Variants in SLC36A1 observed in about 807,000 individuals in gnomAD.
SLC36A1 encodes the protein proton-coupled amino acid transporter 1.
Under a neutral mutation model 47.5 loss-of-function variants are expected in SLC36A1, and 30 were observed. The ratio of observed to expected loss-of-function variants is 0.63; its 90% confidence interval spans 0.47 to 0.86. The LOEUF is 0.86. Ranked by LOEUF, SLC36A1 falls within the 40% of genes least tolerant of loss-of-function variation. The pLI, the probability that SLC36A1 is intolerant of heterozygous loss-of-function variation, is 0.00. For synonymous variants in SLC36A1, 255 were observed against 249.7 expected (o/e 1.02, Z -0.20); for missense variants, 517 against 606.0 (o/e 0.85, Z 1.54).
At chr5:151,399,373 C>T in the SLC36A1 span, among the ~76,000 whole-genome samples, 1 of 151,960 alleles carries the variant, frequency 6.6e-6, no homozygotes, top group Admixed American at 6.6e-5. Context: ...AGGCGTGAGC[C>T]ACCGTAATGT....
chr5:151,411,757 G>C, the SLC36A1 span, among the ~76,000 whole-genome samples: 2 of 143,872 alleles, frequency 1.4e-5, no homozygotes, highest in Non-Finnish European at 3.1e-5. Context: ...GTTGAACAAG[G>C]GTCCTTAGTA....
At chr5:151,540,549 C>A in the SLC36A1 span, 1 of 1,599,420 alleles carries the variant, frequency 6.3e-7, no homozygotes, top group South Asian at 1.1e-5. Flanking sequence ...CCCACTCCAC[C>A]CCTCGCCAGG....
At position 151,488,464 on chromosome 5, in the gene SLC36A1, A is replaced by G; in HGVS notation, c.*210A>G. 1 of 624,062 alleles carries G rather than the reference A, an allele frequency of 1.6e-6. No homozygotes were observed. The highest frequency in any genetic ancestry group is 2.0e-5 in the South Asian group (1 of 49,588). The allele number at this position is 624,062 out of a possible 1,614,324, so 38.7% of individuals were successfully genotyped here. On this transcript the variant is annotated 3_prime_UTR_variant, in exon 11 of 11. Transcript: ENST00000243389. The stretch of plus-strand genomic sequence containing the variant: ...GACACGCAGAAGTGCTACTAGTGAC[A>G]GGGCTGCCATCGCTCACCTGTACCT...
chr5:151,541,998 T>C, the SLC36A1 span, among the ~76,000 whole-genome samples: 1 of 152,232 alleles, frequency 6.6e-6, no homozygotes. Context: ...TGACAGCAGT[T>C]AGAGTATGAC....
At chr5:151,477,862 C>T (rs572684202) in intron 9 of SLC36A1, among the ~76,000 whole-genome samples, 4 of 152,126 alleles carry the variant, frequency 2.6e-5, no homozygotes, top group South Asian at 2.1e-4. Flanking sequence ...CCACATGATC[C>T]GAAGCCATAG....
the SLC36A1 span, chr5:151,542,998 A>G: frequency 1.2e-6 from 2 of 1,614,142 alleles, no homozygotes; most frequent in Non-Finnish European, 1.7e-6. Flanking sequence ...AACAATCCCA[A>G]TTTCAGACCC....
At chr5:151,452,655 G>T (rs886302623) in intron 1 of SLC36A1, among the ~76,000 whole-genome samples, 1 of 152,116 alleles carries the variant, frequency 6.6e-6, no homozygotes, top group Admixed American at 6.6e-5. Context: ...GATCCCTTGA[G>T]GTCAAGAGTT....
the SLC36A1 span, chr5:151,544,808 A>T: frequency 6.2e-7 from 1 of 1,614,092 alleles, no homozygotes; most frequent in African/African-American, 1.3e-5. Context: ...GCAAATTCAT[A>T]TGTAACAGCC....
At chr5:151,476,034 T>G (rs1453788817) in intron 8 of SLC36A1, among the ~76,000 whole-genome samples, 1 of 152,258 alleles carries the variant, frequency 6.6e-6, no homozygotes, top group African/African-American at 2.4e-5. Context: ...AAACTGGGCA[T>G]TGTTAAGCAC....
chr5:151,516,231 C>T, the SLC36A1 span, among the ~76,000 whole-genome samples: 1 of 152,178 alleles, frequency 6.6e-6, no homozygotes, highest in Non-Finnish European at 1.5e-5. Flanking sequence ...GTAACTCCGG[C>T]TGGGCATGTG....
At chr5:151,517,906 G>T in the SLC36A1 span, 1 of 1,037,064 alleles carries the variant, frequency 9.6e-7, no homozygotes, top group Non-Finnish European at 1.4e-6. Context: ...GGCTGGGTGT[G>T]GGGTGTGCCA....
Position 151,467,212 on chromosome 5 carries a change from T to C in SLC36A1, c.433T>C (p.Phe145Leu). ...HAHWGRRVVD[F>L]FLIVTQLGFC... Reference sequence around the variant, plus strand: ...CCCCACCTCCAGACGTGTTGTGGACTTCTTCCTGATTGTCACCCAGCTGGG... The same window carrying C: ...CCCCACCTCCAGACGTGTTGTGGACCTCTTCCTGATTGTCACCCAGCTGGG... Residue 145 changes from phenylalanine to leucine, a missense_variant, in exon 6 of 11, where the codon TTC becomes CTC. Coordinates refer to ENST00000243389, the MANE Select transcript of SLC36A1 (RefSeq NM_078483.4). 6.2e-7 allele frequency: 1 copy of C among 1,612,816 alleles called. No homozygotes were observed. The highest frequency in any genetic ancestry group is 8.5e-7 in the Non-Finnish European group (1 of 1,179,372).
At chr5:151,433,266 A>AT (rs869250950), upstream of SLC36A1, among the ~76,000 whole-genome samples, 5 of 9,404 alleles carry the variant, frequency 5.3e-4, 1 homozygote, top group Admixed American at 2.6e-3. Flanking sequence ...ATATATATAT[A>AT]TTTTTTTTTT....
chr5:151,533,749 A>G, the SLC36A1 span, among the ~76,000 whole-genome samples: 15 of 151,796 alleles, frequency 9.9e-5, no homozygotes, highest in African/African-American at 3.1e-4. Flanking sequence ...ACATACATAT[A>G]TATATGTGAT....
At chr5:151,449,887 G>A (rs1753365107) in intron 1 of SLC36A1, among the ~76,000 whole-genome samples, 1 of 152,246 alleles carries the variant, frequency 6.6e-6, no homozygotes, top group African/African-American at 2.4e-5. Context: ...GACATTCTAG[G>A]ACTGGACTTA....
intron 1 of SLC36A1, among the ~76,000 whole-genome samples, chr5:151,441,890 C>A (rs1256190051): frequency 6.6e-6 from 1 of 151,970 alleles, no homozygotes; most frequent in African/African-American, 2.4e-5. Flanking sequence ...CAAATTTGTC[C>A]CCTTGAAAAT....
chr5:151,372,510 T>C, the SLC36A1 span, among the ~76,000 whole-genome samples: 1 of 152,086 alleles, frequency 6.6e-6, no homozygotes, highest in Non-Finnish European at 1.5e-5. Context: ...GTGGCACAAT[T>C]ACAATGCACT....
chr5:151,452,931 G>A (rs763047466), intron 1 of SLC36A1, among the ~76,000 whole-genome samples: 8 of 150,444 alleles, frequency 5.3e-5, no homozygotes, highest in Non-Finnish European at 8.9e-5. Context: ...GCTGGGCATG[G>A]TGACTCATGC....
At chr5:151,432,187 T>G (rs1478005144), upstream of SLC36A1, among the ~76,000 whole-genome samples, 5 of 152,182 alleles carry the variant, frequency 3.3e-5, no homozygotes, top group Non-Finnish European at 5.9e-5. Flanking sequence ...GGCGATGAAC[T>G]TGGAAATTAT....
Sources: allele counts gnomAD v4.1 joint callset (sites outside exome capture counted in the v4.1 genomes callset), GRCh38; gene constraint gnomAD v4.1.1; transcripts MANE v1.5; gene names NCBI Gene and HGNC (gene_info 2026-07-23, HGNC 2026-07-21).